Variants in MROH6 observed in about 807,000 individuals in gnomAD.
MROH6 encodes the protein maestro heat-like repeat-containing protein family member 6.
Under a neutral mutation model 67.7 loss-of-function variants are expected in MROH6, and 62 were observed. The ratio of observed to expected loss-of-function variants is 0.92; its 90% confidence interval spans 0.75 to 1.13. The LOEUF (loss-of-function observed/expected upper bound fraction) is 1.13, where lower values mean the gene tolerates loss of function less well. Among genes scored for constraint, MROH6 ranks in the 50% most tolerant of loss-of-function variants. The probability of loss-of-function intolerance (pLI) is 0.00; values close to 1 mark genes in which losing one functional copy is unlikely to be tolerated. For missense variants in MROH6, 1,175 were observed against 1,029.1 expected, an observed-to-expected ratio of 1.14 and a Z score of -1.94; for synonymous variants, 566 against 470.8, an observed-to-expected ratio of 1.20 and a Z score of -2.62.
chr8:143,566,906 G>C lies in MROH6; in HGVS notation c.*333C>G, dbSNP rs1415159759. ...CATGAGGTGGAGACCCAGGAGGGCA[G>C]GCTATGGGACCACCAACTTTGGGGT... On this transcript the variant is annotated 3_prime_UTR_variant, in exon 14 of 14. Transcript: ENST00000398882. The C allele has an allele frequency of 2.8e-5, 6 of 215,658 alleles. No individual in the cohort carries two copies. The highest frequency in any genetic ancestry group is 5.5e-5 in the Non-Finnish European group (6 of 108,680). 13.4% of individuals were successfully genotyped at this position (215,658 alleles called of 1,614,324 possible).
In MROH6 at chr8:143,568,275, A is replaced by G. The variant is rs753498751; in HGVS notation, c.1645-14T>C. The G allele has an allele frequency of 6.2e-7, 1 of 1,601,072 alleles. No homozygotes were observed. The highest frequency in any genetic ancestry group is 2.3e-5 in the East Asian group (1 of 44,414). ...CCACTCTGAGCTCTGGGATAGGGGAAGTGAGCCGGGTCAGGGGTCCAGGAA... is the reference window on the plus strand; with the variant it reads ...CCACTCTGAGCTCTGGGATAGGGGAGGTGAGCCGGGTCAGGGGTCCAGGAA... On this transcript the variant is annotated splice_polypyrimidine_tract_variant and intron_variant, in intron 10 of 13. Transcript: ENST00000398882.
At position 143,572,606 on chromosome 8, in the gene MROH6, C is replaced by T; in HGVS notation, c.109G>A (p.Gly37Arg). The change falls in exon 1 of 14, where the codon GGA (glycine) becomes AGA (arginine). Residue 37 changes from glycine (G) to arginine (R), a missense_variant. Physicochemically the swap from Gly to Arg is moderately radical, Grantham distance 125 (BLOSUM62 -2). Transcript: ENST00000398882. Reference protein sequence around the residue: ...GIRARQGQPQGPPSAGPQPKS... With the variant: ...GIRARQGQPQRPPSAGPQPKS... ...GGCTGAGGGCCTGCGGAAGGGGGTC[C>T]CTGGGGCTGCCCCTGCCTGGCCCGG... 6.3e-7 allele frequency: 1 copy of T among 1,595,934 alleles called. No homozygotes were observed. Among genetic ancestry groups the T allele is most frequent in the Non-Finnish European group, 8.5e-7 (1 of 1,174,266 alleles).
At position 143,572,532 on chromosome 8, in the gene MROH6, G is replaced by T; in HGVS notation, c.183C>A (p.Leu61=). The change falls in exon 1 of 14, where the codon CTC becomes CTA. Residue 61 remains leucine, a synonymous_variant. Transcript: ENST00000398882. ...CAGGCTCTGCCTCAGAGGGGGCGGT[G>T]AGTGCCTGGGTCTGTGGCTCAGCCT... is the stretch of plus-strand genomic sequence containing the variant. ...KPEAEPQTQA[L]TAPSEAEPGR... 1 of 1,606,242 alleles carries T rather than the reference G, an allele frequency of 6.2e-7. No homozygotes were observed.
At position 143,567,288 on chromosome 8, in the gene MROH6, C is replaced by A. The variant is rs1319082558; in HGVS notation, c.2111G>T (p.Arg704Leu). ...PPVFADSPFQ[R>L]RSVAGRWGCS... Reference sequence around the variant, plus strand: ...GCCCCAGCGGCCCGCGACGCTCCGGCGCTGGAAGGGGCTGTCGGCGAAGAC... The same window carrying A: ...GCCCCAGCGGCCCGCGACGCTCCGGAGCTGGAAGGGGCTGTCGGCGAAGAC... Residue 704 changes from arginine to leucine, a missense_variant, in exon 14 of 14, where the codon CGC (arginine) becomes CTC (leucine). Arg to Leu is a moderately radical substitution (Grantham distance 102). Transcript: ENST00000398882. 3 of 1,222,364 alleles carry A rather than the reference C, an allele frequency of 2.5e-6. No individual in the cohort carries two copies. Among genetic ancestry groups the A allele is most frequent in the Non-Finnish European group, 3.1e-6 (3 of 981,862 alleles). The allele number at this position is 1,222,364 out of a possible 1,614,324, so 75.7% of individuals were successfully genotyped here.
intron 12 of MROH6, 55 bp from the exon 13 acceptor site, chr8:143,567,731 G>A (rs1031769180): frequency 4.5e-6 from 7 of 1,570,172 alleles, no homozygotes; most frequent in Non-Finnish European, 6.0e-6. Context: ...GGGGGAGGCT[G>A]GCCCAGCTCC....
intron 10 of MROH6, 140 bp downstream of exon 10, chr8:143,568,412 T>C (rs1015524787): frequency 1.4e-6 from 2 of 1,428,322 alleles, no homozygotes; most frequent in East Asian, 2.5e-5. Context: ...AGAGCAGTAG[T>C]AACCTGGCCG....
rs756620565 is a variant in MROH6, at chr8:143,567,469, C to T, written c.1934-4G>A. 1.1e-5 allele frequency: 15 copies of T among 1,421,504 alleles called. No individual in the cohort carries two copies. In the South Asian group the frequency reaches 1.5e-4, roughly 14 times the overall value. The allele number at this position is 1,421,504 out of a possible 1,614,324, so 88.1% of individuals were successfully genotyped here. A position where few individuals can be genotyped will look rare whatever the true frequency, so the allele number is the denominator to read the frequency against. ...TCGCTCTGCAGTCGCCCTAGGTCTG[C>T]GAGGAGATCGCGGCTCAGGCTGGGG... On this transcript the variant is annotated splice_region_variant and splice_polypyrimidine_tract_variant and intron_variant, in intron 13 of 13. Transcript: ENST00000398882.
chr8:143,567,570 A>T (rs1430858017), intron 13 of MROH6, 41 bp downstream of exon 13: 2 of 1,533,246 alleles, frequency 1.3e-6, no homozygotes, highest in Non-Finnish European at 1.8e-6. Context: ...AGCACCAGCC[A>T]CGTCTCCAGG....
chr8:143,569,989 C>T lies in MROH6; in HGVS notation c.1120G>A (p.Asp374Asn), dbSNP rs1367269661. ...GCCATAGCCGTGAGACGCTGCGGGT[C>T]GTCCGCGCTGCGAAGCCGAGGGAGC... ...DLLPRLRSAD[D>N]PQRLTAMAFF... Residue 374 changes from aspartate (D) to asparagine (N), a missense_variant, in exon 7 of 14, where the codon GAC becomes AAC. By Grantham distance (23) the Asp-to-Asn change is conservative. Transcript: ENST00000398882. 3 of 1,613,096 alleles carry T rather than the reference C, an allele frequency of 1.9e-6. No individual in the cohort carries two copies. Among genetic ancestry groups the T allele is most frequent in the African/African-American group, 2.7e-5 (2 of 74,936 alleles).
In MROH6 at chr8:143,572,528, C is replaced by A. The variant is rs781182992; in HGVS notation, c.187G>T (p.Ala63Ser). The change falls in exon 1 of 14, where the codon GCC (alanine) becomes TCC (serine). Residue 63 changes from alanine (A) to serine (S), a missense_variant. Coordinates refer to ENST00000398882, the MANE Select transcript of MROH6 (RefSeq NM_001100878.2). ...EAEPQTQALT[A>S]PSEAEPGRGA... ...CGTCCAGGCTCTGCCTCAGAGGGGG[C>A]GGTGAGTGCCTGGGTCTGTGGCTCA... is the stretch of plus-strand genomic sequence containing the variant. The A allele has an allele frequency of 1.0e-5, 16 of 1,605,444 alleles. No individual in the cohort carries two copies. The highest frequency in any genetic ancestry group is 8.0e-5 in the African/African-American group (6 of 74,864).
At chr8:143,568,006 C>A in intron 11 of MROH6, 118 bp from the exon 12 acceptor site, 1 of 1,449,844 alleles carries the variant, frequency 6.9e-7, no homozygotes, top group South Asian at 1.4e-5. Context: ...GTGGCATGGT[C>A]GGAGACCTTG....
In MROH6 at chr8:143,567,463, G is replaced by A; in HGVS notation, c.1936C>T (p.Leu646=). ...QDLLDSLFQD[L]GRLQSDPKPA... Reference sequence around the variant, plus strand: ...TTGGGGTCGCTCTGCAGTCGCCCTAGGTCTGCGAGGAGATCGCGGCTCAGG... The same window carrying A: ...TTGGGGTCGCTCTGCAGTCGCCCTAAGTCTGCGAGGAGATCGCGGCTCAGG... Residue 646 remains leucine (L), a splice_region_variant and synonymous_variant, in exon 14 of 14, where the codon CTA becomes TTA. Transcript: ENST00000398882. The A allele has an allele frequency of 6.4e-6, 9 of 1,410,164 alleles. No individual in the cohort carries two copies. Among genetic ancestry groups the A allele is most frequent in the Non-Finnish European group, 8.3e-6 (9 of 1,078,996 alleles). 87.4% of individuals were successfully genotyped at this position (1,410,164 alleles called of 1,614,324 possible).
Position 143,572,666 on chromosome 8 carries a change from C to T in MROH6, c.49G>A (p.Gly17Arg). The T allele has an allele frequency of 6.5e-7, 1 of 1,547,098 alleles. No individual in the cohort carries two copies. The highest frequency in any genetic ancestry group is 2.3e-5 in the East Asian group (1 of 42,652). The change falls in exon 1 of 14, where the codon GGG (glycine) becomes AGG (arginine). Residue 17 changes from glycine to arginine, a missense_variant. Transcript: ENST00000398882. ...GRSRAREAPV[G>R]ALTLTALTEG... ...GTCAGTGCTGTCAGGGTTAGAGCCC[C>T]CACGGGAGCCTCCCGGGCCCGGCTC...
At position 143,569,817 on chromosome 8, in the gene MROH6, T is replaced by C. The variant is rs759369249; in HGVS notation, c.1182A>G (p.Ala394=). ...FTGLLQSRPT[A]RLLREEVILE... ...GGATGACCTCCTCCCGCAGGAGCCG[T>C]GCGGTGGGCCGGCTCTGCAACAGCT... The change falls in exon 8 of 14, where the codon GCA becomes GCG. Residue 394 remains alanine, a synonymous_variant. Coordinates refer to ENST00000398882, the MANE Select transcript of MROH6 (RefSeq NM_001100878.2). 2 of 1,611,622 alleles carry C rather than the reference T, an allele frequency of 1.2e-6. No individual in the cohort carries two copies. The highest frequency in any genetic ancestry group is 1.7e-6 in the Non-Finnish European group (2 of 1,179,274).
Position 143,570,833 on chromosome 8 carries a change from C to T in MROH6, c.720+44G>A, listed in dbSNP as rs755102796. ...CCATCCTCCCCGCTCCTCGCCACCC[C>T]CCACCCCCGCCCCCACCCCCTGGTA... On this transcript the variant is annotated intron_variant, in intron 4 of 13. Transcript: ENST00000398882. 11 of 1,077,230 alleles carry T rather than the reference C, an allele frequency of 1.0e-5. 1 individual carries two copies. In the South Asian group the frequency reaches 1.4e-4, roughly 14 times the overall value. The allele number at this position is 1,077,230 out of a possible 1,614,324, so 66.7% of individuals were successfully genotyped here. A position where few individuals can be genotyped will look rare whatever the true frequency, so the allele number is the denominator to read the frequency against.
At position 143,568,228 on chromosome 8, in the gene MROH6, C is replaced by A; in HGVS notation, c.1678G>T (p.Ala560Ser). 5.6e-6 allele frequency: 9 copies of A among 1,610,930 alleles called. No individual in the cohort carries two copies. The highest frequency in any genetic ancestry group is 5.9e-6 in the Non-Finnish European group (7 of 1,179,154). The change falls in exon 11 of 14, where the codon GCC (alanine) becomes TCC (serine). Residue 560 changes from alanine to serine, a missense_variant. By Grantham distance (99) the Ala-to-Ser change is moderately conservative. Coordinates refer to ENST00000398882, the MANE Select transcript of MROH6 (RefSeq NM_001100878.2). ...SEWTLARCDHAFCWGLLEELV... is the reference protein window; with the variant it reads ...SEWTLARCDHSFCWGLLEELV... ...TCCTCCAGCAGGCCCCAGCAAAAGGCGTGGTCACAGCGGGCCAGGGTCCAC... is the reference window on the plus strand; with the variant it reads ...TCCTCCAGCAGGCCCCAGCAAAAGGAGTGGTCACAGCGGGCCAGGGTCCAC...
At chr8:143,568,935 G>A (rs753465265) in intron 9 of MROH6, 117 of 461,644 alleles carry the variant, frequency 2.5e-4, no homozygotes, top group Non-Finnish European at 3.5e-4. Flanking sequence ...GGTCCGGAAG[G>A]AAAAGTCGAG....
rs969534307 is a variant in MROH6, at chr8:143,569,951, C to A, written c.1158G>T (p.Gly386=). The A allele has an allele frequency of 1.9e-6, 3 of 1,611,434 alleles. No individual in the cohort carries two copies. The highest frequency in any genetic ancestry group is 1.7e-6 in the Non-Finnish European group (2 of 1,179,724). The stretch of plus-strand genomic sequence containing the variant: ...CCACCCATCCGGGAAGCAGGCTCAC[C>A]CCTGTGAAGAAGGCCATAGCCGTGA... ...QRLTAMAFFT[G]LLQSRPTARL... The change falls in exon 7 of 14, where the codon GGG becomes GGT. Residue 386 remains glycine (G), a splice_region_variant and synonymous_variant. Transcript: ENST00000398882.
At position 143,567,249 on chromosome 8, in the gene MROH6, CG is replaced by C. The variant is rs1256617431; in HGVS notation, c.2149del (p.Arg717AlafsTer102). On this transcript the variant is annotated frameshift_variant, in exon 14 of 14. Transcript: ENST00000398882. LOFTEE classifies it high-confidence loss of function. The stretch of plus-strand genomic sequence containing the variant: ...CCCCAGCCCCGAGCCTCAGGCTCGG[CG>C]GGGTCCGGAGCAGCCCCAGCGGCCC... The part of the protein sequence containing the change: ...VAGRWGCSGP[R>X]RA The C allele has an allele frequency of 5.7e-6, 7 of 1,220,588 alleles. No individual in the cohort carries two copies. The Admixed American group carries it at 1.7e-4, about 30-fold the overall frequency. The allele number at this position is 1,220,588 out of a possible 1,614,324, so 75.6% of individuals were successfully genotyped here.
Sources: gnomAD v4.1 joint callset for allele counts on GRCh38, gnomAD v4.1.1 for gene constraint, MANE v1.5 for transcripts, NCBI Gene and HGNC (gene_info 2026-07-23, HGNC 2026-07-21) for gene names.